Variants in SLC25A25 observed in about 807,000 individuals in gnomAD.
SLC25A25 encodes mitochondrial adenyl nucleotide antiporter SLC25A25.
Under a neutral mutation model 57.7 loss-of-function variants are expected in SLC25A25, and 32 were observed. The ratio of observed to expected loss-of-function variants is 0.55; its 90% CI spans 0.42 to 0.74. The LOEUF is 0.74. Ranked by LOEUF, SLC25A25 falls within the 30% of genes least tolerant of loss-of-function variation. The pLI is 0.00. For synonymous variants in SLC25A25, 306 were observed against 291.2 expected (o/e 1.05, Z -0.52); for missense variants, 556 against 701.3 (o/e 0.79, Z 2.34).
intron 1 of SLC25A25, among the ~76,000 whole-genome samples, chr9:128,096,116 A>T (rs1833549880): frequency 6.6e-6 from 1 of 151,314 alleles, no homozygotes; most frequent in Non-Finnish European, 1.5e-5. Context: ...CATTTTTTTT[A>T]ATAGGGCAAC....
At chr9:128,072,856 A>G (rs35830594) in intron 1 of SLC25A25, among the ~76,000 whole-genome samples, 27,873 of 152,188 alleles carry the variant, frequency 0.18, 2,704 homozygotes, top group South Asian at 0.31. Flanking sequence ...AATTTAAAAC[A>G]TAGGTTAGAA....
At position 128,102,176 on chromosome 9, in the gene SLC25A25, T is replaced by A. The variant is rs1313628716; in HGVS notation, c.512+61T>A. ...ACTTCCATGCCTGATCAGAGCGGGA[T>A]TCTTGTGGGCCATTATATTGCCATT... On this transcript the variant is annotated intron_variant, in intron 4 of 10. Transcript: ENST00000373069. The surrounding 1 kb of genome is among the most constrained non-coding windows in gnomAD (Gnocchi z 4.1). 1 of 1,540,280 alleles carries A rather than the reference T, an allele frequency of 6.5e-7. No homozygotes were observed. Among genetic ancestry groups the A allele is most frequent in the Non-Finnish European group, 8.8e-7 (1 of 1,137,726 alleles).
chr9:128,101,431 G>T lies in SLC25A25; in HGVS notation c.476+35G>T, dbSNP rs1564191947. 6.2e-7 allele frequency: 1 copy of T among 1,607,556 alleles called. No individual in the cohort carries two copies. Among genetic ancestry groups the T allele is most frequent in the Non-Finnish European group, 8.5e-7 (1 of 1,175,048 alleles). On this transcript the variant is annotated intron_variant, in intron 3 of 10. Coordinates refer to ENST00000373069, the MANE Select transcript of SLC25A25 (RefSeq NM_001330988.2). This position sits in a 1 kb window ranked among gnomAD's most constrained non-coding sequence, Gnocchi z 4.9. Reference sequence around the variant, plus strand: ...CAGCCAGCCTCTGTGTTTGGTTTAAGTGTGATGAAGGGAAGGCTCTGAGAC... The same window carrying T: ...CAGCCAGCCTCTGTGTTTGGTTTAATTGTGATGAAGGGAAGGCTCTGAGAC...
At chr9:128,069,704 A>G (rs1832858739) in intron 1 of SLC25A25, among the ~76,000 whole-genome samples, 1 of 152,210 alleles carries the variant, frequency 6.6e-6, no homozygotes, top group Non-Finnish European at 1.5e-5. Context: ...CAAGAGTAAC[A>G]CTACGCAAGA....
chr9:128,101,800 C>A lies in SLC25A25; in HGVS notation c.477-280C>A, dbSNP rs534301575. Among the ~76,000 whole-genome samples the A allele has an allele frequency of 6.3e-4, 96 of 152,276 alleles. No individual in the cohort carries two copies. The highest frequency in any genetic ancestry group is 2.2e-3 in the African/African-American group (93 of 41,548). On this transcript the variant is annotated intron_variant, in intron 3 of 10. Transcript: ENST00000373069. This position sits in a 1 kb window ranked among gnomAD's most constrained non-coding sequence, Gnocchi z 4.9. ...TTAACACTTTAGTCAGAGGCGCTGC[C>A]CCAAAAGATAGCTCCCTGGTGCGGG...
chr9:128,107,342 C>T lies in SLC25A25; in HGVS notation c.1446C>T (p.Tyr482=). 6.5e-7 allele frequency: 1 copy of T among 1,528,626 alleles called. No homozygotes were observed. The highest frequency in any genetic ancestry group is 1.4e-5 in the African/African-American group (1 of 72,582). 94.7% of individuals were successfully genotyped at this position (1,528,626 alleles called of 1,614,324 possible). The change falls in exon 11 of 11, where the codon TAC becomes TAT. Residue 482 remains tyrosine (Y), a synonymous_variant. Coordinates refer to ENST00000373069, the MANE Select transcript of SLC25A25 (RefSeq NM_001330988.2). The part of the protein sequence containing the change: ...ILRTEGAFGL[Y]RGLAPNFMKV... ...GGACCGAGGGGGCCTTCGGGCTGTA[C>T]AGGGGGCTGGCCCCCAACTTCATGA...
chr9:128,089,513 C>G (rs1833350069), intron 1 of SLC25A25, among the ~76,000 whole-genome samples: 1 of 151,984 alleles, frequency 6.6e-6, no homozygotes, highest in Non-Finnish European at 1.5e-5. Context: ...AATCAACATG[C>G]AAAACTGCTT....
intron 1 of SLC25A25, among the ~76,000 whole-genome samples, chr9:128,093,621 G>A (rs1833474254): frequency 6.6e-6 from 1 of 152,256 alleles, no homozygotes; most frequent in Admixed American, 6.5e-5. Flanking sequence ...GGAGCCCCAA[G>A]TGGGATATGG....
intron 1 of SLC25A25, among the ~76,000 whole-genome samples, chr9:128,088,475 C>G (rs1401863680): frequency 6.6e-6 from 1 of 152,206 alleles, no homozygotes; most frequent in Non-Finnish European, 1.5e-5. Flanking sequence ...CCTGGCCTCC[C>G]CAGCCTCTCA....
chr9:128,076,552 G>C (rs1200551766), intron 1 of SLC25A25, among the ~76,000 whole-genome samples: 1 of 150,294 alleles, frequency 6.7e-6, no homozygotes, highest in Non-Finnish European at 1.5e-5. Context: ...TACAAGCTCT[G>C]CCTCCTGGGT....
At chr9:128,077,531 C>T (rs757141964) in intron 1 of SLC25A25, among the ~76,000 whole-genome samples, 4 of 126,998 alleles carry the variant, frequency 3.1e-5, no homozygotes, top group Non-Finnish European at 6.5e-5. Flanking sequence ...AAAAAAAAAG[C>T]CAGTCGCAAA....
chr9:128,103,613 A>C lies in SLC25A25; in HGVS notation c.625-68A>C. Reference sequence around the variant, plus strand: ...GGCCTGGAGCCGTGCTAGAGGGTAGACGGCGACAGGTGCCAGCAGCCTTGC... The same window carrying C: ...GGCCTGGAGCCGTGCTAGAGGGTAGCCGGCGACAGGTGCCAGCAGCCTTGC... On this transcript the variant is annotated intron_variant, in intron 5 of 10. Transcript: ENST00000373069. The surrounding 1 kb of genome is among the most constrained non-coding windows in gnomAD (Gnocchi z 6.7). 1 of 1,607,090 alleles carries C rather than the reference A, an allele frequency of 6.2e-7. No individual in the cohort carries two copies. Among genetic ancestry groups the C allele is most frequent in the Non-Finnish European group, 8.5e-7 (1 of 1,174,700 alleles).
intron 1 of SLC25A25, among the ~76,000 whole-genome samples, chr9:128,071,538 C>T (rs905645092): frequency 2.7e-5 from 4 of 150,292 alleles, no homozygotes; most frequent in Non-Finnish European, 5.9e-5. Context: ...CTCCCTGGGA[C>T]TACAGGCACG....
At chr9:128,104,435 T>C (rs1289197891) in intron 6 of SLC25A25, among the ~76,000 whole-genome samples, 1 of 152,216 alleles carries the variant, frequency 6.6e-6, no homozygotes, top group African/African-American at 2.4e-5. Context: ...TGGGCCTCCC[T>C]GTGTTGCACA....
intron 1 of SLC25A25, among the ~76,000 whole-genome samples, chr9:128,093,277 AG>A (rs1833462914): frequency 6.6e-6 from 1 of 152,146 alleles, no homozygotes; most frequent in African/African-American, 2.4e-5. Context: ...ATTCAAAGAG[AG>A]GGTGTCACTT....
chr9:128,101,200 G>C lies in SLC25A25; in HGVS notation c.366G>C (p.Lys122Asn), dbSNP rs1449487710. The C allele has an allele frequency of 7.4e-6, 12 of 1,614,152 alleles. No homozygotes were observed. The highest frequency in any genetic ancestry group is 1.0e-5 in the Non-Finnish European group (12 of 1,180,060). The change falls in exon 2 of 11, where the codon AAG becomes AAC. Residue 122 changes from lysine to asparagine, a missense_variant. Around this residue, in one of 3 missense-constraint regions of SLC25A25, gnomAD observed 248 missense variants for 273.5 expected, o/e 0.91. Transcript: ENST00000373069. The surrounding 1 kb of genome is among the most constrained non-coding windows in gnomAD (Gnocchi z 4.9). ...AGAAGAAGCTGAGGCTGGTGTTTAA[G>C]AGTTTGGACAAAAAGAATGATGGTA... ...DHEKKLRLVF[K>N]SLDKKNDGRI...
At chr9:128,093,191 C>T (rs1023541070) in intron 1 of SLC25A25, among the ~76,000 whole-genome samples, 1 of 150,096 alleles carries the variant, frequency 6.7e-6, no homozygotes, top group Non-Finnish European at 1.5e-5. Context: ...GAGAAGTCTT[C>T]GTCTTTGATG....
At chr9:128,070,006 C>T (rs1234514807) in intron 1 of SLC25A25, among the ~76,000 whole-genome samples, 1 of 149,534 alleles carries the variant, frequency 6.7e-6, no homozygotes, top group Non-Finnish European at 1.5e-5. Context: ...CAAGCTCCGC[C>T]TCCCGGGTTC....
At chr9:128,106,883 G>C (rs1834062313) in intron 9 of SLC25A25, 146 bp from the exon 10 acceptor site, 3 of 985,564 alleles carry the variant, frequency 3.0e-6, no homozygotes, top group Admixed American at 4.7e-5. Flanking sequence ...AGTGACAGCA[G>C]AAACAGGGCA....
Sources: allele counts gnomAD v4.1 joint callset (sites outside exome capture counted in the v4.1 genomes callset), GRCh38; gene constraint gnomAD v4.1.1; regional missense constraint gnomAD v4.1.1; non-coding constraint Gnocchi (gnomAD v3.1); transcripts MANE v1.5; gene names NCBI Gene and HGNC (gene_info 2026-07-23, HGNC 2026-07-21).